Variants in RUFY3 observed in about 807,000 individuals in gnomAD.
RUFY3 encodes RUN and FYVE domain containing 3.
In RUFY3, 34 loss-of-function variants were observed where a neutral mutation model predicts 84.0. The ratio of observed to expected loss-of-function variants is 0.40; its 90% CI spans 0.31 to 0.54. The LOEUF is 0.54. RUFY3 is among the 20% of genes least tolerant of loss of function. The probability of loss-of-function intolerance (pLI) is 0.39; values close to 1 mark genes in which losing one functional copy is unlikely to be tolerated. For missense variants in RUFY3, 507 were observed against 736.8 expected (o/e 0.69, Z 3.61); for synonymous variants, 242 against 252.9 (o/e 0.96, Z 0.41).
At position 70,721,975 on chromosome 4, in the gene RUFY3, C is replaced by T. The variant is rs1742354151; in HGVS notation, c.-599C>T. 1 of 1,232,154 alleles carries T rather than the reference C, an allele frequency of 8.1e-7. No individual in the cohort carries two copies. Among genetic ancestry groups the T allele is most frequent in the African/African-American group, 1.5e-5 (1 of 64,530 alleles). 76.3% of individuals were successfully genotyped at this position (1,232,154 alleles called of 1,614,324 possible). ...TGAATTTTCAGTTCAGTTCATTAGT[C>T]AGCCATTTTGGTCAACACCCTGCTT... is the stretch of plus-strand genomic sequence containing the variant. On this transcript the variant is annotated 5_prime_UTR_variant, in exon 1 of 18. Transcript: ENST00000381006.
Position 70,806,573 on chromosome 4 carries a change from C to A in RUFY3, c.1777C>A (p.Pro593Thr). 1.9e-6 allele frequency: 3 copies of A among 1,614,120 alleles called. No homozygotes were observed. Among genetic ancestry groups the A allele is most frequent in the Non-Finnish European group, 2.5e-6 (3 of 1,179,992 alleles). ...TGATGCCTGTTCAACAAATGAACTGCCTCTTCCTTCAAGTATCAAGCTTGA... is the reference window on the plus strand; with the variant it reads ...TGATGCCTGTTCAACAAATGAACTGACTCTTCCTTCAAGTATCAAGCTTGA... The part of the protein sequence containing the change: ...FCDACSTNEL[P>T]LPSSIKLERV... Residue 593 changes from proline (P) to threonine (T), a missense_variant, in exon 18 of 18, where the codon CCT becomes ACT. Physicochemically the swap from Pro to Thr is conservative, Grantham distance 38. Transcript: ENST00000381006.
upstream of RUFY3, among the ~76,000 whole-genome samples, chr4:70,721,484 A>AT (rs1742293621): frequency 1.3e-5 from 2 of 152,132 alleles, no homozygotes; most frequent in Non-Finnish European, 2.9e-5. Context: ...GAAGGAAATT[A>AT]TAAATGCCCA....
At chr4:70,791,153 C>A in intron 12 of RUFY3, 1 of 1,248,838 alleles carries the variant, frequency 8.0e-7, no homozygotes, top group Non-Finnish European at 1.2e-6. Context: ...TATTCTCTTG[C>A]TATTTTTGTG....
intron 5 of RUFY3, among the ~76,000 whole-genome samples, chr4:70,769,355 T>A (rs985681215): frequency 6.6e-6 from 1 of 152,152 alleles, no homozygotes; most frequent in Non-Finnish European, 1.5e-5. Context: ...AAATAAAAAG[T>A]TTGTTTGCAT....
At chr4:70,749,754 A>T in intron 1 of RUFY3, among the ~76,000 whole-genome samples, 1 of 149,716 alleles carries the variant, frequency 6.7e-6, no homozygotes, top group Non-Finnish European at 1.5e-5. Context: ...GGCTCAAGCC[A>T]TCCTCCCACC....
At chr4:70,705,404 G>A in intron 1 of RUFY3, 3 of 749,914 alleles carry the variant, frequency 4.0e-6, no homozygotes. Context: ...CCCGAGCCGG[G>A]TGGCCGGGAG....
chr4:70,716,433 G>A (rs1386141648), intron 1 of RUFY3, among the ~76,000 whole-genome samples: 3 of 152,026 alleles, frequency 2.0e-5, no homozygotes, highest in Admixed American at 6.6e-5. Context: ...GACGTGAGCC[G>A]CCGCGCCCTG....
chr4:70,713,941 G>A (rs767958529), intron 1 of RUFY3, among the ~76,000 whole-genome samples: 104 of 152,264 alleles, frequency 6.8e-4, no homozygotes, highest in Non-Finnish European at 1.3e-3. Context: ...TGTTGATAGG[G>A]TTTTTCCAGA....
intron 1 of RUFY3, chr4:70,734,575 G>T: frequency 1.0e-6 from 1 of 985,254 alleles, no homozygotes; most frequent in Non-Finnish European, 1.2e-6. Context: ...AAAATAACCT[G>T]GCTAGTCACC....
intron 1 of RUFY3, among the ~76,000 whole-genome samples, chr4:70,759,148 T>C (rs1724560041): frequency 6.6e-6 from 1 of 152,170 alleles, no homozygotes; most frequent in African/African-American, 2.4e-5. Context: ...CCTCTCCCTA[T>C]CTTCCCCTCC....
Position 70,722,594 on chromosome 4 carries a change from G to A in RUFY3, c.21G>A (p.Pro7=), listed in dbSNP as rs756692658. ...TCATCATGTCTGCTCTGACGCCTCC[G>A]ACCGATATGCCAACCCCCACCACTG... The part of the protein sequence containing the change: MSALTP[P]TDMPTPTTDK... Residue 7 remains proline (P), a synonymous_variant, in exon 1 of 18, where the codon CCG becomes CCA. Transcript: ENST00000381006. The A allele has an allele frequency of 1.9e-6, 3 of 1,613,168 alleles. No homozygotes were observed. The highest frequency in any genetic ancestry group is 1.7e-5 in the Admixed American group (1 of 59,888).
rs562804306 is a variant in RUFY3 at position 70,764,360 on chromosome 4, C to T, written c.471-115C>T. Reference sequence around the variant, plus strand: ...TACTGGGAGAGGTCCTGAGGAGCACCTCAGTGTGCTTGTTACACTGGAATA... The same window carrying T: ...TACTGGGAGAGGTCCTGAGGAGCACTTCAGTGTGCTTGTTACACTGGAATA... On this transcript the variant is annotated intron_variant, in intron 3 of 17. Transcript: ENST00000381006. 93 of 717,772 alleles carry T rather than the reference C, an allele frequency of 1.3e-4. No individual in the cohort carries two copies. In the African/African-American group the frequency reaches 1.6e-3, roughly 12 times the overall value. The allele number at this position is 717,772 out of a possible 1,614,324, so 44.5% of individuals were successfully genotyped here. A position where few individuals can be genotyped will look rare whatever the true frequency, so the allele number is the denominator to read the frequency against.
chr4:70,800,026 T>A, intron 14 of RUFY3, 115 bp from the exon 15 acceptor site: 1 of 870,762 alleles, frequency 1.1e-6, no homozygotes, highest in Non-Finnish European at 1.8e-6. Flanking sequence ...CCTTCCCTAA[T>A]AAAAAAAGCT....
At chr4:70,796,951 T>TTTTC (rs1560572139) in intron 14 of RUFY3, among the ~76,000 whole-genome samples, 16 of 146,592 alleles carry the variant, frequency 1.1e-4, no homozygotes, top group South Asian at 6.4e-4. Flanking sequence ...CTTTTCTTTT[T>TTTTC]TTTTTTTTTG....
At chr4:70,794,022 C>T (rs1731204369) in intron 13 of RUFY3, 118 bp downstream of exon 13, 15 of 1,103,126 alleles carry the variant, frequency 1.4e-5, no homozygotes, top group Non-Finnish European at 1.8e-5. Context: ...AATGTCCTTT[C>T]TCTGGAATTG....
intron 4 of RUFY3, among the ~76,000 whole-genome samples, chr4:70,765,929 A>T (rs2148714616): frequency 6.6e-6 from 1 of 151,752 alleles, no homozygotes; most frequent in Non-Finnish European, 1.5e-5. Context: ...CACCCAGCTA[A>T]TTTTTGTATT....
At chr4:70,789,039 T>A (rs1196489080) in intron 11 of RUFY3, 66 bp downstream of exon 11, 4 of 1,568,202 alleles carry the variant, frequency 2.6e-6, no homozygotes, top group Non-Finnish European at 3.5e-6. Flanking sequence ...TCCTCCCATC[T>A]GATCCTCCAG....
intron 1 of RUFY3, among the ~76,000 whole-genome samples, chr4:70,733,073 AAGAGAG>A (rs1223448881): frequency 1.8e-5 from 2 of 112,460 alleles, no homozygotes; most frequent in Non-Finnish European, 3.5e-5. Context: ...TTTCAAAAGA[AAGAGAG>A]AGAGAGAGAG....
chr4:70,719,051 G>A (rs1741975966), upstream of RUFY3, among the ~76,000 whole-genome samples: 1 of 152,198 alleles, frequency 6.6e-6, no homozygotes, highest in East Asian at 1.9e-4. Flanking sequence ...AAATAGCACT[G>A]TTTTCATAGT....
Sources: allele counts gnomAD v4.1 joint callset (sites outside exome capture counted in the v4.1 genomes callset), GRCh38; gene constraint gnomAD v4.1.1; transcripts MANE v1.5; gene names NCBI Gene and HGNC (gene_info 2026-07-23, HGNC 2026-07-21).